The following MICAL3 variants were observed in gnomAD, a reference collection of about 807,000 sequenced individuals.
MICAL3 encodes microtubule associated monooxygenase, calponin and LIM domain containing 3.
In MICAL3, 62 loss-of-function variants were observed where a neutral mutation model predicts 207.4. That is an observed-to-expected ratio of 0.30 (90% confidence interval 0.24 to 0.37). The LOEUF (loss-of-function observed/expected upper bound fraction) is 0.37, where lower values mean the gene tolerates loss of function less well. Ranked by LOEUF, MICAL3 falls within the 10% of genes least tolerant of loss-of-function variation. The pLI is 1.00. For missense variants in MICAL3, 2,368 were observed against 2,635.6 expected, an observed-to-expected ratio of 0.90 and a Z score of 2.22; for synonymous variants, 1,077 against 1,069.3, an observed-to-expected ratio of 1.01 and a Z score of -0.14.
At chr22:17,959,325 G>T (rs915816495) in intron 1 of MICAL3, among the ~76,000 whole-genome samples, 1 of 145,668 alleles carries the variant, frequency 6.9e-6, no homozygotes, top group Non-Finnish European at 1.5e-5. Context: ...ATCGGCCTGG[G>T]TTTTTTTGAA....
intron 1 of MICAL3, chr22:17,980,833 G>A: frequency 2.0e-6 from 1 of 510,280 alleles, no homozygotes; most frequent in South Asian, 1.4e-5. Flanking sequence ...AGATGCGGCT[G>A]TGCTGGCCCG....
chr22:18,000,281 G>A (rs936641013), intron 1 of MICAL3, among the ~76,000 whole-genome samples: 5 of 150,682 alleles, frequency 3.3e-5, no homozygotes, highest in Non-Finnish European at 7.4e-5. Context: ...CCTGTCCACA[G>A]TTGACCTTCA....
chr22:17,922,591 G>A (rs142097362), intron 1 of MICAL3, among the ~76,000 whole-genome samples: 26 of 152,258 alleles, frequency 1.7e-4, no homozygotes, highest in African/African-American at 6.0e-4. Flanking sequence ...AAGCTCCCAA[G>A]AGTTAGAATG....
At chr22:17,843,028 G>C (rs1924212651) in intron 19 of MICAL3, among the ~76,000 whole-genome samples, 1 of 148,996 alleles carries the variant, frequency 6.7e-6, no homozygotes, top group Non-Finnish European at 1.5e-5. Flanking sequence ...GGCTGAAGCA[G>C]GAGAATGGTG....
chr22:17,810,238 AT>A (rs958503395), intron 28 of MICAL3, among the ~76,000 whole-genome samples: 7 of 151,078 alleles, frequency 4.6e-5, no homozygotes, highest in East Asian at 3.9e-4. Context: ...AATTTTTTGT[AT>A]TTTTAGTAGA....
chr22:17,886,058 A>C lies in MICAL3; in HGVS notation c.2068-7T>G. The C allele has an allele frequency of 6.2e-7, 1 of 1,613,626 alleles. No individual in the cohort carries two copies. On this transcript the variant is annotated splice_polypyrimidine_tract_variant and splice_region_variant and intron_variant, in intron 15 of 31. Transcript: ENST00000441493. ...GGCCCCGAGGAGCTTCCTCCTGGTC[A>C]ATGCCAACCCCAAAGAACCCGGCGC...
rs553422115 is a variant in MICAL3 at position 17,915,792 on chromosome 22, GT to G, written c.-74-8907del. Among the ~76,000 whole-genome samples, 248 of 152,156 alleles carry G rather than the reference GT, an allele frequency of 1.6e-3. 2 individuals are homozygous for G. Among genetic ancestry groups the G allele is most frequent in the African/African-American group, 5.8e-3 (241 of 41,524 alleles). Reference sequence around the variant, plus strand: ...TTCATTTCTCAAGGATTCGATTTCTGTGTAGAAGACCAAAATAGGCTGGGTG... The same window carrying G: ...TTCATTTCTCAAGGATTCGATTTCTGGTAGAAGACCAAAATAGGCTGGGTG... On this transcript the variant is annotated intron_variant, in intron 1 of 31. Transcript: ENST00000441493.
intron 22 of MICAL3, among the ~76,000 whole-genome samples, chr22:17,824,437 C>A (rs972324855): frequency 2.0e-5 from 3 of 152,238 alleles, no homozygotes; most frequent in African/African-American, 7.2e-5. Flanking sequence ...CTCCACAGGC[C>A]AGGCACTTAG....
intron 17 of MICAL3, among the ~76,000 whole-genome samples, chr22:17,869,618 C>T (rs889986603): frequency 6.6e-5 from 10 of 152,202 alleles, no homozygotes; most frequent in African/African-American, 2.4e-4. Context: ...GAACAAATAG[C>T]ACCACAAGTA....
intron 19 of MICAL3, among the ~76,000 whole-genome samples, chr22:17,845,756 A>G (rs1228421330): frequency 1.3e-5 from 2 of 152,178 alleles, no homozygotes; most frequent in Non-Finnish European, 2.9e-5. Flanking sequence ...AACCAGGCAC[A>G]TGTTCGCAAC....
chr22:17,817,875 GCTCCTCGGCCAA>G lies in MICAL3; in HGVS notation c.4774_4785del (p.Leu1592_Glu1595del), dbSNP rs765736397. The G allele has an allele frequency of 6.2e-7, 1 of 1,612,364 alleles. No homozygotes were observed. The highest frequency in any genetic ancestry group is 2.2e-5 in the East Asian group (1 of 44,854). ...ACGGACTTCTCCCTGGCTCGCATGC[GCTCCTCGGCCAA>G]CTCCTTGGCTTCCGCGGACACCAAG... On this transcript the variant is annotated inframe_deletion, in exon 26 of 32. Coordinates refer to ENST00000441493, the MANE Select transcript of MICAL3 (RefSeq NM_015241.3).
Position 17,806,629 on chromosome 22 carries a change from C to T in MICAL3, c.5650+2215G>A, listed in dbSNP as rs774422623. On this transcript the variant is annotated intron_variant, in intron 29 of 31. Transcript: ENST00000441493. ...GTTCTTGTGTGTACTGGCTGGATGC[C>T]GGGGCTTGGTCATGTCCACCACTCT... 3.0e-4 allele frequency among the ~76,000 whole-genome samples: 46 copies of T among 152,302 alleles called. 1 individual carries two copies. Among genetic ancestry groups the T allele is most frequent in the African/African-American group, 1.1e-3 (45 of 41,548 alleles).
rs768104425 is a variant in MICAL3, at chr22:17,818,542, C to T, written c.4119G>A (p.Gln1373=). 3.1e-6 allele frequency: 5 copies of T among 1,613,394 alleles called. No homozygotes were observed. In the African/African-American group the frequency reaches 6.7e-5, roughly 22 times the overall value. ...LKSYSVEKSP[Q]DEGLHLLKPL... Reference sequence around the variant, plus strand: ...GCTTGAGAAGGTGGAGTCCCTCATCCTGGGGGGACTTTTCAACGGAATAGG... The same window carrying T: ...GCTTGAGAAGGTGGAGTCCCTCATCTTGGGGGGACTTTTCAACGGAATAGG... Residue 1373 remains glutamine, a synonymous_variant, in exon 26 of 32, where the codon CAG becomes CAA. Transcript: ENST00000441493.
chr22:17,964,931 G>A (rs5992925), intron 1 of MICAL3, among the ~76,000 whole-genome samples: 30,413 of 152,152 alleles, frequency 0.2, 3,195 homozygotes, highest in Middle Eastern at 0.27. Context: ...AAACTGAAGC[G>A]CGGTGGAGGT....
At chr22:17,905,612 G>T (rs1203278241) in intron 2 of MICAL3, among the ~76,000 whole-genome samples, 2 of 152,212 alleles carry the variant, frequency 1.3e-5, no homozygotes, top group East Asian at 1.9e-4. Context: ...TCCACTGGGG[G>T]TGGGGCTCTA....
chr22:17,817,237 G>A, intron 26 of MICAL3, 74 bp downstream of exon 26: 2 of 1,468,484 alleles, frequency 1.4e-6, no homozygotes, highest in Non-Finnish European at 1.8e-6. Context: ...TGTGGATCCT[G>A]AGAGCCCCAG....
chr22:17,900,293 C>T lies in MICAL3; in HGVS notation c.847+549G>A, dbSNP rs1337932223. ...AGAACTAGTGGAGGCAGAACGAATG[C>T]TTTACAACAAATAAACGAACAAACA... On this transcript the variant is annotated intron_variant, in intron 6 of 31. Transcript: ENST00000441493. This position sits in a 1 kb window ranked among gnomAD's most constrained non-coding sequence, Gnocchi z 4.0. 6.6e-6 allele frequency among the ~76,000 whole-genome samples: 1 copy of T among 152,192 alleles called. No homozygotes were observed. The highest frequency in any genetic ancestry group is 1.5e-5 in the Non-Finnish European group (1 of 68,040).
chr22:17,953,057 G>A (rs1258392328), intron 1 of MICAL3, among the ~76,000 whole-genome samples: 6 of 152,136 alleles, frequency 3.9e-5, no homozygotes. Flanking sequence ...CCTCTGCCCA[G>A]CAGGGCTCAG....
intron 19 of MICAL3, among the ~76,000 whole-genome samples, chr22:17,844,751 C>T (rs1425142917): frequency 2.6e-5 from 4 of 152,180 alleles, no homozygotes; most frequent in East Asian, 1.9e-4. Flanking sequence ...TCTTCAACAC[C>T]GAGCTCAGGG....
Sources: gnomAD v4.1 joint callset for allele counts (sites outside exome capture counted in the v4.1 genomes callset) on GRCh38, gnomAD v4.1.1 for gene constraint, Gnocchi (gnomAD v3.1) non-coding constraint, MANE v1.5 for transcripts, NCBI Gene and HGNC (gene_info 2026-07-23, HGNC 2026-07-21) for gene names.